Variants in MACROD2 observed in about 807,000 individuals in gnomAD.
MACROD2 encodes ADP-ribose glycohydrolase MACROD2.
In MACROD2, 36 loss-of-function variants were observed where a neutral mutation model predicts 70.4. That is an observed-to-expected ratio of 0.51 (90% CI 0.39 to 0.68). The LOEUF is 0.68. MACROD2 is among the 30% of genes least tolerant of loss of function. The pLI is 0.00. For synonymous variants in MACROD2, 172 were observed against 178.8 expected, an observed-to-expected ratio of 0.96 and a Z score of 0.30; for missense variants, 496 against 538.4, an observed-to-expected ratio of 0.92 and a Z score of 0.78.
intron 3 of MACROD2, among the ~76,000 whole-genome samples, chr20:14,280,308 A>G (rs2082296833): frequency 6.6e-6 from 1 of 152,192 alleles, no homozygotes; most frequent in South Asian, 2.1e-4. Flanking sequence ...CCAAAGAAAT[A>G]CTGTAGGAGT....
intron 3 of MACROD2, among the ~76,000 whole-genome samples, chr20:14,398,118 A>G (rs2083600155): frequency 6.6e-6 from 1 of 152,088 alleles, no homozygotes; most frequent in African/African-American, 2.4e-5. Flanking sequence ...GTGTGTATGT[A>G]TCAATCACAT....
intron 5 of MACROD2, among the ~76,000 whole-genome samples, chr20:14,732,430 G>A (rs1235271497): frequency 2.6e-5 from 4 of 152,060 alleles, no homozygotes; most frequent in African/African-American, 7.2e-5. Flanking sequence ...TAAATATAAG[G>A]GGTCCACTGG....
At chr20:14,721,741 C>G (rs1184445390) in intron 5 of MACROD2, among the ~76,000 whole-genome samples, 1 of 152,128 alleles carries the variant, frequency 6.6e-6, no homozygotes, top group African/African-American at 2.4e-5. Flanking sequence ...ACATTCAAGA[C>G]TCTCCTAAAT....
intron 15 of MACROD2, among the ~76,000 whole-genome samples, chr20:16,014,140 A>G (rs2066899790): frequency 6.6e-6 from 1 of 152,204 alleles, no homozygotes; most frequent in Non-Finnish European, 1.5e-5. Context: ...ATTTTTTCCT[A>G]TCACCTCTAT....
intron 6 of MACROD2, among the ~76,000 whole-genome samples, chr20:15,417,987 C>A (rs959241021): frequency 6.6e-5 from 10 of 152,168 alleles, no homozygotes; most frequent in Non-Finnish European, 1.5e-4. Context: ...AAGATGAATT[C>A]TTCTCTTTCC....
chr20:15,047,448 TATATA>T (rs1270426228), intron 5 of MACROD2, among the ~76,000 whole-genome samples: 6 of 152,252 alleles, frequency 3.9e-5, no homozygotes, highest in South Asian at 2.1e-4. Flanking sequence ...CTTATGGAAT[TATATA>T]AGATAAAAAT....
intron 8 of MACROD2, among the ~76,000 whole-genome samples, chr20:15,766,767 G>A (rs1333604995): frequency 6.6e-6 from 1 of 152,156 alleles, no homozygotes; most frequent in Non-Finnish European, 1.5e-5. Context: ...GTTACCTTTT[G>A]CTACATAACA....
chr20:15,412,758 C>G (rs2046095606), intron 6 of MACROD2, among the ~76,000 whole-genome samples: 1 of 152,170 alleles, frequency 6.6e-6, no homozygotes, highest in African/African-American at 2.4e-5. Context: ...ATTACTATGT[C>G]TAATGACTTT....
chr20:14,616,046 A>G (rs1260356934), intron 4 of MACROD2, among the ~76,000 whole-genome samples: 1 of 152,126 alleles, frequency 6.6e-6, no homozygotes, highest in Non-Finnish European at 1.5e-5. Flanking sequence ...GGAAGAGACA[A>G]GTGTGACCAA....
intron 11 of MACROD2, among the ~76,000 whole-genome samples, chr20:15,936,259 A>C (rs988157716): frequency 3.4e-5 from 5 of 149,012 alleles, no homozygotes; most frequent in African/African-American, 1.2e-4. Flanking sequence ...ATGCATATGT[A>C]ATGTGTGTGT....
intron 5 of MACROD2, among the ~76,000 whole-genome samples, chr20:14,764,936 T>G (rs1242922458): frequency 6.6e-6 from 1 of 152,106 alleles, no homozygotes; most frequent in Non-Finnish European, 1.5e-5. Flanking sequence ...CCTGTCCAGC[T>G]AAAACTATAC....
chr20:14,003,973 C>G (rs1166118420), intron 2 of MACROD2, among the ~76,000 whole-genome samples: 8 of 152,160 alleles, frequency 5.3e-5, no homozygotes, highest in African/African-American at 1.9e-4. Context: ...AATATTTCAG[C>G]AGCAGCACTA....
intron 4 of MACROD2, among the ~76,000 whole-genome samples, chr20:14,626,159 A>G (rs1984143397): frequency 6.6e-6 from 1 of 152,080 alleles, no homozygotes; most frequent in South Asian, 2.1e-4. Flanking sequence ...TATATATTAC[A>G]TTGCTTTAGA....
chr20:15,293,751 G>T (rs2077561667), intron 6 of MACROD2, among the ~76,000 whole-genome samples: 1 of 151,982 alleles, frequency 6.6e-6, no homozygotes. Flanking sequence ...AGGCCAAGAG[G>T]GCCAAATCTG....
At chr20:15,431,983 G>A (rs1028748202) in intron 7 of MACROD2, among the ~76,000 whole-genome samples, 7 of 151,958 alleles carry the variant, frequency 4.6e-5, no homozygotes, top group Admixed American at 1.3e-4. Context: ...ACAGATGGAA[G>A]CAAAATGTTT....
At chr20:14,267,266 A>G (rs1986985290) in intron 3 of MACROD2, among the ~76,000 whole-genome samples, 3 of 152,184 alleles carry the variant, frequency 2.0e-5, no homozygotes, top group Admixed American at 2.0e-4. Context: ...ACTTAATGAC[A>G]GCACAGGTTA....
intron 5 of MACROD2, among the ~76,000 whole-genome samples, chr20:14,732,776 C>T (rs1388927976): frequency 6.6e-6 from 1 of 152,008 alleles, no homozygotes; most frequent in East Asian, 1.9e-4. Flanking sequence ...CACTTTTTCT[C>T]CCCCTTCAAT....
intron 5 of MACROD2, among the ~76,000 whole-genome samples, chr20:14,738,818 A>G (rs1388659878): frequency 6.6e-6 from 1 of 151,994 alleles, no homozygotes; most frequent in African/African-American, 2.4e-5. Flanking sequence ...ATTCACAAGT[A>G]TCCTTAATAT....
chr20:15,883,267 G>C (rs566157493), intron 9 of MACROD2, among the ~76,000 whole-genome samples: 1 of 151,962 alleles, frequency 6.6e-6, no homozygotes, highest in East Asian at 1.9e-4. Flanking sequence ...CAGAGAGTCT[G>C]TTGTCATACA....
Sources: gnomAD v4.1 joint callset for allele counts (sites outside exome capture counted in the v4.1 genomes callset) on GRCh38, gnomAD v4.1.1 for gene constraint, MANE v1.5 for transcripts, NCBI Gene and HGNC (gene_info 2026-07-23, HGNC 2026-07-21) for gene names.